The following ADCK1 variants were observed in gnomAD, a reference collection of about 807,000 sequenced individuals.
ADCK1 encodes aarF domain-containing protein kinase 1.
A neutral mutation model predicts 52.3 loss-of-function variants in ADCK1; 41 were observed. That is an observed-to-expected ratio of 0.78 (90% CI 0.61 to 1.02). ADCK1 has a LOEUF of 1.02. Among genes scored for constraint, ADCK1 ranks in the 50% least tolerant of loss-of-function variants. ADCK1 has a pLI of 0.00. For synonymous variants in ADCK1, 250 were observed against 274.6 expected, an observed-to-expected ratio of 0.91 and a Z score of 0.89; for missense variants, 658 against 679.5, an observed-to-expected ratio of 0.97 and a Z score of 0.35.
chr14:77,832,413 G>A (rs73319432), intron 3 of ADCK1, among the ~76,000 whole-genome samples: 13 of 152,140 alleles, frequency 8.5e-5, no homozygotes, highest in Non-Finnish European at 1.9e-4. Context: ...TCTGCTTCCA[G>A]TCTGGGGAAA....
At chr14:77,801,573 T>C (rs2081110972) in intron 1 of ADCK1, among the ~76,000 whole-genome samples, 1 of 152,230 alleles carries the variant, frequency 6.6e-6, no homozygotes. Flanking sequence ...CGATTTGATC[T>C]GTACTAGAAG....
Position 77,887,257 on chromosome 14 carries a change from C to A in ADCK1, c.582+8C>A. The A allele has an allele frequency of 6.4e-7, 1 of 1,553,198 alleles. No homozygotes were observed. On this transcript the variant is annotated splice_region_variant and intron_variant, in intron 5 of 10. Transcript: ENST00000238561. Reference sequence around the variant, plus strand: ...GACATTCTCCTGATGGAGGTGAGAGCCCTCCCTTTCTCCTTCCTGTGTCCT... The same window carrying A: ...GACATTCTCCTGATGGAGGTGAGAGACCTCCCTTTCTCCTTCCTGTGTCCT...
chr14:77,820,589 C>T (rs936894062), intron 2 of ADCK1, among the ~76,000 whole-genome samples: 1 of 151,778 alleles, frequency 6.6e-6, no homozygotes, highest in African/African-American at 2.4e-5. Flanking sequence ...ACCTTGGTCT[C>T]CCAAAGTGTT....
intron 3 of ADCK1, among the ~76,000 whole-genome samples, chr14:77,835,094 A>G (rs1380517367): frequency 6.6e-6 from 1 of 152,236 alleles, no homozygotes; most frequent in Non-Finnish European, 1.5e-5. Context: ...CGGGGTAGGC[A>G]TAAGCTAGGA....
chr14:77,862,256 G>T (rs2140144441), intron 4 of ADCK1, among the ~76,000 whole-genome samples: 1 of 152,344 alleles, frequency 6.6e-6, no homozygotes, highest in South Asian at 2.1e-4. Flanking sequence ...CAGCCTCTGG[G>T]AGGTGGGGTC....
At chr14:77,834,265 A>G (rs1333992838) in intron 3 of ADCK1, among the ~76,000 whole-genome samples, 1 of 152,008 alleles carries the variant, frequency 6.6e-6, no homozygotes, top group Non-Finnish European at 1.5e-5. Context: ...CTCTCTGTCT[A>G]TCTAATGCAT....
At chr14:77,821,775 G>C (rs1397012468) in intron 2 of ADCK1, among the ~76,000 whole-genome samples, 1 of 151,188 alleles carries the variant, frequency 6.6e-6, no homozygotes, top group Non-Finnish European at 1.5e-5. Context: ...CAGCTACTTG[G>C]GAGGCTGAGG....
intron 3 of ADCK1, among the ~76,000 whole-genome samples, chr14:77,854,925 C>T (rs945751341): frequency 9.2e-5 from 14 of 152,190 alleles, no homozygotes; most frequent in African/African-American, 3.1e-4. Context: ...CTTTATTAGG[C>T]TCTTGAACTC....
chr14:77,844,244 T>C (rs2080814), intron 3 of ADCK1, among the ~76,000 whole-genome samples: 109,802 of 151,740 alleles, frequency 0.72, 39,860 homozygotes, highest in Admixed American at 0.77. Context: ...CCATGCCCGG[T>C]GAATTATTTT....
intron 7 of ADCK1, among the ~76,000 whole-genome samples, chr14:77,917,358 A>C (rs2083949001): frequency 6.6e-6 from 1 of 152,218 alleles, no homozygotes; most frequent in Non-Finnish European, 1.5e-5. Flanking sequence ...CAGGCTACTC[A>C]TGTGATTATC....
intron 3 of ADCK1, among the ~76,000 whole-genome samples, chr14:77,847,219 G>A (rs1434071961): frequency 6.6e-6 from 1 of 152,268 alleles, no homozygotes; most frequent in South Asian, 2.1e-4. Flanking sequence ...GGTGGGGAGT[G>A]TAAGAGATGA....
chr14:77,929,565 A>G (rs141857502), intron 9 of ADCK1, among the ~76,000 whole-genome samples: 1 of 152,212 alleles, frequency 6.6e-6, no homozygotes. Flanking sequence ...AGGGGCTGAG[A>G]GCTCAGAGCT....
chr14:77,820,939 C>T (rs957393263), intron 2 of ADCK1: 3 of 152,052 alleles, frequency 2.0e-5, no homozygotes, highest in African/African-American at 7.3e-5. Context: ...TGGTCTCGAA[C>T]TCCTGACCTC....
chr14:77,848,916 C>G (rs1043157638), intron 3 of ADCK1, among the ~76,000 whole-genome samples: 1 of 152,032 alleles, frequency 6.6e-6, no homozygotes, highest in African/African-American at 2.4e-5. Context: ...AGCTCCGCCT[C>G]CCAGGTTCAC....
Position 77,824,433 on chromosome 14 carries a change from TTTC to T in ADCK1, c.219+1918_219+1920del, listed in dbSNP as rs780944568. ...GTCTTTTCCTTTCTTTCTTTCTTTC[TTTC>T]TTTTTTTTTTTTTTTGAGATGGAGT... On this transcript the variant is annotated intron_variant, in intron 3 of 10. Coordinates refer to ENST00000238561, the MANE Select transcript of ADCK1 (RefSeq NM_020421.4). Among the ~76,000 whole-genome samples the T allele has an allele frequency of 1.1e-4, 16 of 146,810 alleles. 1 individual carries two copies. In the East Asian group the frequency reaches 3.1e-3, roughly 29 times the overall value.
At chr14:77,842,018 G>T (rs2082078493) in intron 3 of ADCK1, among the ~76,000 whole-genome samples, 1 of 152,068 alleles carries the variant, frequency 6.6e-6, no homozygotes, top group Non-Finnish European at 1.5e-5. Flanking sequence ...CTAAGCCCAG[G>T]AGTTCAAGGC....
intron 9 of ADCK1, among the ~76,000 whole-genome samples, chr14:77,928,153 G>C (rs1047412193): frequency 6.6e-6 from 1 of 152,154 alleles, no homozygotes; most frequent in Non-Finnish European, 1.5e-5. Context: ...AGAAGGGAAA[G>C]GGCAGGGCCA....
intron 3 of ADCK1, among the ~76,000 whole-genome samples, chr14:77,852,899 ATATATATATTTTTT>A (rs2082335147): frequency 3.0e-5 from 1 of 33,470 alleles, no homozygotes; most frequent in African/African-American, 1.5e-4. Context: ...ATATATATAT[ATATATATATTTTTT>A]TTTTTTTTTT....
chr14:77,836,924 C>T (rs937079020), intron 3 of ADCK1, among the ~76,000 whole-genome samples: 3 of 151,486 alleles, frequency 2.0e-5, no homozygotes, highest in Admixed American at 6.6e-5. Flanking sequence ...CAGGTGCCTG[C>T]CACCTCATCC....
Sources: allele counts gnomAD v4.1 joint callset (sites outside exome capture counted in the v4.1 genomes callset), GRCh38; gene constraint gnomAD v4.1.1; transcripts MANE v1.5; gene names NCBI Gene and HGNC (gene_info 2026-07-23, HGNC 2026-07-21).